The following APLF variants were observed in gnomAD, a reference collection of about 807,000 sequenced individuals.
APLF encodes aprataxin and PNK-like factor.
APLF carries 61 observed loss-of-function variants against 55.6 expected under a neutral mutation model. The ratio of observed to expected loss-of-function variants is 1.10; its 90% confidence interval spans 0.89 to 1.36. The LOEUF (loss-of-function observed/expected upper bound fraction) is 1.36, where lower values mean the gene tolerates loss of function less well. APLF is among the 40% of genes most tolerant of loss of function. The probability of loss-of-function intolerance (pLI) is 0.00; values close to 1 mark genes in which losing one functional copy is unlikely to be tolerated. For missense variants in APLF, 611 were observed against 602.5 expected (o/e 1.01, Z -0.15); for synonymous variants, 207 against 214.8 (o/e 0.96, Z 0.32).
At position 68,578,538 on chromosome 2, in the gene APLF, T is replaced by C. The variant is rs1371231728; in HGVS notation, c.*516T>C. 3.0e-6 allele frequency: 3 copies of C among 985,710 alleles called. No individual in the cohort carries two copies. Among genetic ancestry groups the C allele is most frequent in the African/African-American group, 1.7e-5 (1 of 57,236 alleles). The allele number at this position is 985,710 out of a possible 1,614,324, so 61.1% of individuals were successfully genotyped here. A position where few individuals can be genotyped will look rare whatever the true frequency, so the allele number is the denominator to read the frequency against. The stretch of plus-strand genomic sequence containing the variant: ...ATGTGAGCTTTGCAATTTCACTTAC[T>C]ACTTTTATCCTTCAAAACTTGGGAA... On this transcript the variant is annotated 3_prime_UTR_variant, in exon 10 of 10. Coordinates refer to ENST00000303795, the MANE Select transcript of APLF (RefSeq NM_173545.3).
intron 3 of APLF, among the ~76,000 whole-genome samples, chr2:68,507,711 G>T (rs1676907816): frequency 6.6e-6 from 1 of 151,886 alleles, no homozygotes; most frequent in Non-Finnish European, 1.5e-5. Flanking sequence ...ATGCATTAAT[G>T]AAATATCTGA....
At chr2:68,478,740 A>G (rs551063557) in intron 1 of APLF, among the ~76,000 whole-genome samples, 105 of 152,270 alleles carry the variant, frequency 6.9e-4, no homozygotes, top group African/African-American at 2.4e-3. Flanking sequence ...AATGCCACAA[A>G]GGACAGTTAT....
chr2:68,516,953 A>T (rs796432907), intron 5 of APLF, among the ~76,000 whole-genome samples: 2 of 126,172 alleles, frequency 1.6e-5, no homozygotes, highest in South Asian at 2.2e-4. Context: ...TATATATAAT[A>T]TAATATATAA....
intron 6 of APLF, among the ~76,000 whole-genome samples, chr2:68,526,888 A>G (rs1670073627): frequency 6.6e-6 from 1 of 152,168 alleles, no homozygotes; most frequent in Non-Finnish European, 1.5e-5. Context: ...GAGTTTCACC[A>G]TGTTGGCCGG....
At chr2:68,517,664 C>A (rs554917956) in intron 5 of APLF, among the ~76,000 whole-genome samples, 1 of 140,340 alleles carries the variant, frequency 7.1e-6, no homozygotes. Flanking sequence ...ATTAACGTAA[C>A]AATAATATAT....
At chr2:68,530,095 T>G (rs1250572287) in intron 6 of APLF, among the ~76,000 whole-genome samples, 4 of 152,232 alleles carry the variant, frequency 2.6e-5, no homozygotes, top group Admixed American at 1.3e-4. Flanking sequence ...AGGCAGGGTC[T>G]CCACTTTTTA....
chr2:68,578,196 G>C lies in APLF; in HGVS notation c.*174G>C, dbSNP rs1416180678. 7.3e-7 allele frequency: 1 copy of C among 1,361,084 alleles called. No homozygotes were observed. The highest frequency in any genetic ancestry group is 9.5e-7 in the Non-Finnish European group (1 of 1,057,550). 84.3% of individuals were successfully genotyped at this position (1,361,084 alleles called of 1,614,324 possible). A position where few individuals can be genotyped will look rare whatever the true frequency, so the allele number is the denominator to read the frequency against. On this transcript the variant is annotated 3_prime_UTR_variant, in exon 10 of 10. Coordinates refer to ENST00000303795, the MANE Select transcript of APLF (RefSeq NM_173545.3). ...TGAAACGTCAGCCTTCAGTATAATA[G>C]ATGGAATTTTTTGTTGCCTTGCCTT...
At chr2:68,569,146 A>C (rs1273772195) in intron 9 of APLF, among the ~76,000 whole-genome samples, 1 of 152,120 alleles carries the variant, frequency 6.6e-6, no homozygotes, top group Non-Finnish European at 1.5e-5. Flanking sequence ...ACACATTCAC[A>C]TATTCCTTTG....
chr2:68,579,035 G>C lies in APLF; in HGVS notation c.*1013G>C, dbSNP rs965218013. The C allele has an allele frequency of 1.0e-6, 1 of 984,816 alleles. No homozygotes were observed. The highest frequency in any genetic ancestry group is 4.7e-5 in the South Asian group (1 of 21,264). 61.0% of individuals were successfully genotyped at this position (984,816 alleles called of 1,614,324 possible). On this transcript the variant is annotated 3_prime_UTR_variant, in exon 10 of 10. Coordinates refer to ENST00000303795, the MANE Select transcript of APLF (RefSeq NM_173545.3). ...AGTTTAGAATCTTTAATAACAGTTGGGTTGTGTACACAGAGCAGGAGATAT... is the reference window on the plus strand; with the variant it reads ...AGTTTAGAATCTTTAATAACAGTTGCGTTGTGTACACAGAGCAGGAGATAT...
At chr2:68,510,797 A>AT (rs1207944363) in intron 3 of APLF, among the ~76,000 whole-genome samples, 5 of 151,894 alleles carry the variant, frequency 3.3e-5, no homozygotes, top group African/African-American at 1.2e-4. Flanking sequence ...TGTTGAATAG[A>AT]TAAACAAGTA....
intron 6 of APLF, chr2:68,528,309 C>A (rs1269633594): frequency 7.0e-7 from 1 of 1,426,114 alleles, no homozygotes; most frequent in Non-Finnish European, 9.5e-7. Flanking sequence ...CTACTTAACA[C>A]CCTCATGTTC....
At chr2:68,516,228 T>A (rs1315997039) in intron 5 of APLF, among the ~76,000 whole-genome samples, 2 of 151,622 alleles carry the variant, frequency 1.3e-5, no homozygotes, top group Non-Finnish European at 3.0e-5. Flanking sequence ...AAAGCCCATG[T>A]ACTAAGGCAT....
Position 68,494,869 on chromosome 2 carries a change from T to C in APLF, c.168+4608T>C, listed in dbSNP as rs1469455201. Reference sequence around the variant, plus strand: ...CATGGCTGCAGAGTATTCCATGGTATATATATACCCCATTTTCTTTTTCCA... The same window carrying C: ...CATGGCTGCAGAGTATTCCATGGTACATATATACCCCATTTTCTTTTTCCA... On this transcript the variant is annotated intron_variant, in intron 2 of 9. Coordinates refer to ENST00000303795, the MANE Select transcript of APLF (RefSeq NM_173545.3). Among the ~76,000 whole-genome samples, 4 of 152,126 alleles carry C rather than the reference T, an allele frequency of 2.6e-5. No homozygotes were observed. The South Asian group carries it at 8.3e-4, about 31-fold the overall frequency.
At chr2:68,508,291 G>A (rs1179236389) in intron 3 of APLF, among the ~76,000 whole-genome samples, 1 of 151,674 alleles carries the variant, frequency 6.6e-6, no homozygotes, top group East Asian at 1.9e-4. Flanking sequence ...AGAATTGAGG[G>A]TCCAGAAGTA....
intron 1 of APLF, among the ~76,000 whole-genome samples, chr2:68,472,161 G>GC (rs1675636945): frequency 6.6e-6 from 1 of 152,184 alleles, no homozygotes; most frequent in African/African-American, 2.4e-5. Context: ...CTCTCAGATA[G>GC]CGGACTTCAG....
intron 1 of APLF, among the ~76,000 whole-genome samples, chr2:68,488,282 A>G (rs932806930): frequency 6.6e-6 from 1 of 150,524 alleles, no homozygotes; most frequent in Non-Finnish European, 1.5e-5. Context: ...CTTTTGAATG[A>G]TTACATGTAG....
intron 8 of APLF, among the ~76,000 whole-genome samples, chr2:68,549,608 G>A (rs1670800977): frequency 6.6e-6 from 1 of 152,144 alleles, no homozygotes; most frequent in Non-Finnish European, 1.5e-5. Context: ...GCACTTACAT[G>A]TGTATTCTCT....
chr2:68,542,525 A>G (rs1670584446), intron 7 of APLF, among the ~76,000 whole-genome samples: 1 of 151,258 alleles, frequency 6.6e-6, no homozygotes, highest in Non-Finnish European at 1.5e-5. Context: ...ATAATATACA[A>G]ATGACCAACA....
At chr2:68,530,407 C>G (rs1420912744) in intron 6 of APLF, among the ~76,000 whole-genome samples, 1 of 152,170 alleles carries the variant, frequency 6.6e-6, no homozygotes, top group African/African-American at 2.4e-5. Flanking sequence ...GTCAGCACAG[C>G]ACCATCCCAC....
Sources: gnomAD v4.1 joint callset for allele counts (sites outside exome capture counted in the v4.1 genomes callset) on GRCh38, gnomAD v4.1.1 for gene constraint, MANE v1.5 for transcripts, NCBI Gene and HGNC (gene_info 2026-07-23, HGNC 2026-07-21) for gene names.